Variants in RALGAPA2 observed in about 807,000 individuals in gnomAD.
RALGAPA2 encodes the protein ral GTPase-activating protein subunit alpha-2.
A neutral mutation model predicts 230.4 loss-of-function variants in RALGAPA2; 139 were observed. The ratio of observed to expected loss-of-function variants is 0.60; its 90% CI spans 0.53 to 0.69. The LOEUF is 0.69. Ranked by LOEUF, RALGAPA2 falls within the 30% of genes least tolerant of loss-of-function variation. The probability of loss-of-function intolerance (pLI) is 0.00; values close to 1 mark genes in which losing one functional copy is unlikely to be tolerated. For synonymous variants in RALGAPA2, 847 were observed against 837.8 expected (o/e 1.01, Z -0.19); for missense variants, 2,163 against 2,276.0 (o/e 0.95, Z 1.01).
intron 31 of RALGAPA2, among the ~76,000 whole-genome samples, chr20:20,517,331 G>A (rs1361592201): frequency 1.3e-5 from 2 of 152,182 alleles, no homozygotes; most frequent in African/African-American, 2.4e-5. Flanking sequence ...GCCTGACAGG[G>A]GAGGTGGATT....
intron 37 of RALGAPA2, among the ~76,000 whole-genome samples, chr20:20,457,557 C>T (rs751686122): frequency 1.3e-5 from 2 of 152,190 alleles, no homozygotes; most frequent in African/African-American, 4.8e-5. Context: ...ATTTACTCTG[C>T]AGCAGGTGCT....
intron 23 of RALGAPA2, 24 bp from the exon 24 acceptor site, chr20:20,546,856 C>T: frequency 6.4e-7 from 1 of 1,561,582 alleles, no homozygotes; most frequent in South Asian, 1.2e-5. Context: ...TAAGAAAAAA[C>T]ACAATCGTAA....
intron 15 of RALGAPA2, among the ~76,000 whole-genome samples, chr20:20,603,951 A>G (rs1442642915): frequency 6.6e-6 from 1 of 152,210 alleles, no homozygotes; most frequent in Non-Finnish European, 1.5e-5. Flanking sequence ...CCCAAGTCTC[A>G]GGAGGACCTA....
chr20:20,490,444 T>C (rs1354186217), intron 36 of RALGAPA2, among the ~76,000 whole-genome samples: 1 of 152,240 alleles, frequency 6.6e-6, no homozygotes, highest in Non-Finnish European at 1.5e-5. Context: ...GGTTGTTTGG[T>C]ATTTTCAATG....
At chr20:20,481,903 C>T (rs2061784471) in intron 36 of RALGAPA2, among the ~76,000 whole-genome samples, 1 of 152,236 alleles carries the variant, frequency 6.6e-6, no homozygotes, top group Middle Eastern at 3.4e-3. Context: ...AATGCCCTAC[C>T]AACCCCGAAA....
At chr20:20,620,663 C>T in intron 10 of RALGAPA2, 33 bp from the exon 11 acceptor site, 1 of 1,555,088 alleles carries the variant, frequency 6.4e-7, no homozygotes, top group Non-Finnish European at 8.7e-7. Flanking sequence ...CCTTTAACTA[C>T]AAACACACTC....
intron 17 of RALGAPA2, among the ~76,000 whole-genome samples, chr20:20,589,596 T>G (rs2065228126): frequency 6.6e-6 from 1 of 152,026 alleles, no homozygotes; most frequent in African/African-American, 2.4e-5. Flanking sequence ...CTGTTCACTG[T>G]GGCCAACAGG....
intron 27 of RALGAPA2, 95 bp downstream of exon 27, chr20:20,531,592 T>A: frequency 1.9e-6 from 2 of 1,043,080 alleles, no homozygotes; most frequent in Non-Finnish European, 2.9e-6. Context: ...CCTCTGTCAT[T>A]TGGGGGATAA....
chr20:20,700,303 G>A (rs116550936), intron 1 of RALGAPA2, among the ~76,000 whole-genome samples: 2 of 152,216 alleles, frequency 1.3e-5, no homozygotes, highest in African/African-American at 4.8e-5. Context: ...ACTACCTAGA[G>A]GGGGGATGGA....
chr20:20,589,074 A>G (rs940435631), intron 18 of RALGAPA2, among the ~76,000 whole-genome samples, 194 bp downstream of exon 18: 6 of 152,096 alleles, frequency 3.9e-5, no homozygotes, highest in Non-Finnish European at 5.9e-5. Flanking sequence ...TTTTTTTCCT[A>G]TTTTTGTAAT....
chr20:20,531,291 C>T (rs2063359540), intron 27 of RALGAPA2, among the ~76,000 whole-genome samples: 1 of 152,186 alleles, frequency 6.6e-6, no homozygotes, highest in South Asian at 2.1e-4. Context: ...TTAAAGTGCC[C>T]AAGATTCAGC....
At chr20:20,501,153 A>G (rs1336565363) in intron 35 of RALGAPA2, among the ~76,000 whole-genome samples, 3 of 152,216 alleles carry the variant, frequency 2.0e-5, no homozygotes, top group Admixed American at 6.5e-5. Flanking sequence ...ACTTAAAGTC[A>G]CCAGCTGCAT....
rs2059595440 is a variant in RALGAPA2 at position 20,391,111 on chromosome 20, T to C, written c.*2178A>G. On this transcript the variant is annotated 3_prime_UTR_variant, in exon 40 of 40. Coordinates refer to ENST00000202677, the MANE Select transcript of RALGAPA2 (RefSeq NM_020343.4). ...GTTTCTAGAGCCTGAAGATGAAACG[T>C]TCTCCCAGAGGCGACCTGCTGGTAG... is the stretch of plus-strand genomic sequence containing the variant. 1 of 152,164 alleles carries C rather than the reference T, an allele frequency of 6.6e-6. No individual in the cohort carries two copies. The highest frequency in any genetic ancestry group is 1.5e-5 in the Non-Finnish European group (1 of 68,038). The allele number at this position is 152,164 out of a possible 1,614,324, so 9.4% of individuals were successfully genotyped here.
At chr20:20,426,094 G>A (rs536953463) in intron 37 of RALGAPA2, among the ~76,000 whole-genome samples, 4 of 152,312 alleles carry the variant, frequency 2.6e-5, no homozygotes, top group East Asian at 1.9e-4. Context: ...ATGACCAGAT[G>A]AGCGTGGAGA....
intron 37 of RALGAPA2, 42 bp downstream of exon 37, chr20:20,472,787 C>G: frequency 6.3e-7 from 1 of 1,575,182 alleles, no homozygotes. Context: ...AATCTTGATT[C>G]TGGGATGGTT....
chr20:20,527,684 C>T (rs2063252155), intron 27 of RALGAPA2, among the ~76,000 whole-genome samples: 1 of 152,172 alleles, frequency 6.6e-6, no homozygotes, highest in African/African-American at 2.4e-5. Context: ...TCCTTCACAG[C>T]ATTACAGGCT....
intron 31 of RALGAPA2, among the ~76,000 whole-genome samples, chr20:20,514,864 C>T (rs569764701): frequency 2.0e-5 from 3 of 152,208 alleles, no homozygotes; most frequent in Admixed American, 6.5e-5. Context: ...CACCCAAACC[C>T]GCTCTCCTGA....
At chr20:20,624,791 T>G (rs1457674513) in intron 10 of RALGAPA2, among the ~76,000 whole-genome samples, 2 of 152,234 alleles carry the variant, frequency 1.3e-5, no homozygotes, top group African/African-American at 4.8e-5. Context: ...TAAAGAAATA[T>G]TCATTGGATT....
At chr20:20,643,698 G>T in intron 4 of RALGAPA2, 149 bp from the exon 5 acceptor site, 1 of 722,306 alleles carries the variant, frequency 1.4e-6, no homozygotes, top group Non-Finnish European at 2.0e-6. Context: ...ATGTCACAGA[G>T]GGAAAGACGT....
Sources: gnomAD v4.1 joint callset for allele counts (sites outside exome capture counted in the v4.1 genomes callset) on GRCh38, gnomAD v4.1.1 for gene constraint, MANE v1.5 for transcripts, NCBI Gene and HGNC (gene_info 2026-07-23, HGNC 2026-07-21) for gene names.